The following CMTM8 variants were observed in gnomAD, a reference collection of about 807,000 sequenced individuals.
The protein encoded by CMTM8 is CKLF-like MARVEL transmembrane domain-containing protein 8.
In CMTM8, 12 loss-of-function variants were observed where a neutral mutation model predicts 18.6. That is an observed-to-expected ratio of 0.65 (90% CI 0.41 to 1.05). The LOEUF (loss-of-function observed/expected upper bound fraction) is 1.05. CMTM8 is among the 50% of genes least tolerant of loss of function. The probability of loss-of-function intolerance (pLI) is 0.00; values close to 1 mark genes in which losing one functional copy is unlikely to be tolerated. For synonymous variants in CMTM8, 87 were observed against 90.6 expected, an observed-to-expected ratio of 0.96 and a Z score of 0.23; for missense variants, 217 against 227.2, an observed-to-expected ratio of 0.95 and a Z score of 0.29.
chr3:32,344,853 C>T (rs554735770), intron 1 of CMTM8, among the ~76,000 whole-genome samples: 2 of 152,160 alleles, frequency 1.3e-5, no homozygotes, highest in African/African-American at 4.8e-5. Flanking sequence ...TGTAATTGCA[C>T]CTCTGGACTC....
Position 32,260,069 on chromosome 3 carries a change from G to A in CMTM8, c.147+20950G>A, listed in dbSNP as rs1009377195. On this transcript the variant is annotated intron_variant, in intron 1 of 3. Transcript: ENST00000307526. ...CAAGGTCAAGCTGGAGGCTGAGATC[G>A]CCAGCTACCATCGCCTGTTGGAAGA... The A allele has an allele frequency of 4.6e-5, 50 of 1,097,804 alleles. No individual in the cohort carries two copies. In the African/African-American group the frequency reaches 4.9e-4, roughly 11 times the overall value. The allele number at this position is 1,097,804 out of a possible 1,614,324, so 68.0% of individuals were successfully genotyped here.
At chr3:32,319,074 A>ATATATATCTATATATTTTTTGT in intron 1 of CMTM8, among the ~76,000 whole-genome samples, 1 of 31,530 alleles carries the variant, frequency 3.2e-5, no homozygotes, top group African/African-American at 1.5e-4. Flanking sequence ...ATATATATAT[A>ATATATATCTATATATTTTTTGT]TTTTTTTTTT....
chr3:32,262,793 G>T (rs147850447), intron 1 of CMTM8, among the ~76,000 whole-genome samples: 3 of 151,990 alleles, frequency 2.0e-5, no homozygotes, highest in Non-Finnish European at 4.4e-5. Context: ...TTAATCAGCC[G>T]GTCCAAATAT....
At chr3:32,367,726 C>G in intron 2 of CMTM8, 146 bp from the exon 3 acceptor site, 1 of 590,296 alleles carries the variant, frequency 1.7e-6, no homozygotes, top group Non-Finnish European at 3.1e-6. Flanking sequence ...TTAGAGCTGC[C>G]TTCCCACAGC....
At chr3:32,366,995 G>C (rs1050332278) in intron 2 of CMTM8, among the ~76,000 whole-genome samples, 1 of 152,132 alleles carries the variant, frequency 6.6e-6, no homozygotes, top group African/African-American at 2.4e-5. Context: ...ATTCTATGTA[G>C]CTTTTTTTTC....
chr3:32,253,044 C>A (rs1461988161), intron 1 of CMTM8, among the ~76,000 whole-genome samples: 1 of 152,114 alleles, frequency 6.6e-6, no homozygotes, highest in Non-Finnish European at 1.5e-5. Flanking sequence ...TTGAGGTGAT[C>A]ATTTGAGGTT....
chr3:32,334,466 C>T lies in CMTM8; in HGVS notation c.148-22907C>T, dbSNP rs143112154. Among the ~76,000 whole-genome samples, 2,213 of 151,732 alleles carry T rather than the reference C, an allele frequency of 0.015. 110 individuals are homozygous for T. The East Asian group carries it at 0.19, about 13-fold the overall frequency. Reference sequence around the variant, plus strand: ...CTAAAAATACAAAAAATTAGCTGGGCGTGGTGGTGGGCGCCTGTAGTCCCA... The same window carrying T: ...CTAAAAATACAAAAAATTAGCTGGGTGTGGTGGTGGGCGCCTGTAGTCCCA... On this transcript the variant is annotated intron_variant, in intron 1 of 3. Coordinates refer to ENST00000307526, the MANE Select transcript of CMTM8 (RefSeq NM_178868.5).
At chr3:32,305,916 G>T (rs1695706909) in intron 1 of CMTM8, among the ~76,000 whole-genome samples, 1 of 152,190 alleles carries the variant, frequency 6.6e-6, no homozygotes, top group African/African-American at 2.4e-5. Flanking sequence ...ATCTCATTCA[G>T]TTCTTTTCCA....
At chr3:32,249,091 A>G (rs1368412698) in intron 1 of CMTM8, among the ~76,000 whole-genome samples, 1 of 113,670 alleles carries the variant, frequency 8.8e-6, no homozygotes, top group Non-Finnish European at 1.6e-5. Flanking sequence ...CCCAGGCCGC[A>G]CTGCAGGCCT....
intron 1 of CMTM8, among the ~76,000 whole-genome samples, chr3:32,335,925 A>G (rs1696376824): frequency 6.6e-6 from 1 of 152,166 alleles, no homozygotes. Flanking sequence ...GCAGTTAAAC[A>G]TCCGGAGGGC....
intron 1 of CMTM8, among the ~76,000 whole-genome samples, chr3:32,322,171 A>G (rs1261890413): frequency 6.6e-6 from 1 of 152,196 alleles, no homozygotes; most frequent in Non-Finnish European, 1.5e-5. Context: ...CAGGTCCCAG[A>G]GCTGTATGCC....
At chr3:32,311,045 C>T (rs1052463269) in intron 1 of CMTM8, among the ~76,000 whole-genome samples, 1 of 152,134 alleles carries the variant, frequency 6.6e-6, no homozygotes, top group Non-Finnish European at 1.5e-5. Context: ...TGTAAACGAC[C>T]TGGATGAATT....
At chr3:32,324,209 C>T (rs903828451) in intron 1 of CMTM8, among the ~76,000 whole-genome samples, 1 of 152,122 alleles carries the variant, frequency 6.6e-6, no homozygotes, top group African/African-American at 2.4e-5. Context: ...CCTATTACCC[C>T]ATTTATTTAA....
Position 32,336,135 on chromosome 3 carries a change from A to G in CMTM8, c.148-21238A>G, listed in dbSNP as rs1311805056. On this transcript the variant is annotated intron_variant, in intron 1 of 3. Transcript: ENST00000307526. ...TTATTTCATTTCTTTTGAGATTGACATTAAAGAGTAGCTGTGTGACTTTTG... is the reference window on the plus strand; with the variant it reads ...TTATTTCATTTCTTTTGAGATTGACGTTAAAGAGTAGCTGTGTGACTTTTG... Among the ~76,000 whole-genome samples the G allele has an allele frequency of 2.6e-5, 4 of 152,258 alleles. No individual in the cohort carries two copies. The East Asian group carries it at 7.7e-4, about 29-fold the overall frequency.
chr3:32,280,234 G>A (rs72619950), intron 1 of CMTM8, among the ~76,000 whole-genome samples: 7,537 of 152,038 alleles, frequency 0.05, 686 homozygotes, highest in East Asian at 0.44. Flanking sequence ...GCTGATTCAC[G>A]CTGATTTCCT....
At chr3:32,282,389 A>T (rs935510490) in intron 1 of CMTM8, among the ~76,000 whole-genome samples, 1 of 152,206 alleles carries the variant, frequency 6.6e-6, no homozygotes, top group Non-Finnish European at 1.5e-5. Flanking sequence ...TAATTATGAG[A>T]TGATCAGGGT....
At position 32,296,142 on chromosome 3, in the gene CMTM8, A is replaced by AT. The variant is rs925551706; in HGVS notation, c.147+57032dup. 3.0e-4 allele frequency among the ~76,000 whole-genome samples: 45 copies of AT among 150,432 alleles called. 1 individual carries two copies. The highest frequency in any genetic ancestry group is 7.3e-4 in the African/African-American group (30 of 40,952). On this transcript the variant is annotated intron_variant, in intron 1 of 3. Transcript: ENST00000307526. ...TCTTTGCTTCAGCCTTTTATTTTTT[A>AT]TTTTTTTTTAAATAAAGATGAGGTC...
intron 1 of CMTM8, among the ~76,000 whole-genome samples, chr3:32,289,154 G>T (rs1214669062): frequency 6.6e-6 from 1 of 152,150 alleles, no homozygotes; most frequent in Non-Finnish European, 1.5e-5. Context: ...CTGCTACTTG[G>T]CTACAGCTGA....
At chr3:32,354,493 G>A (rs1190523886) in intron 1 of CMTM8, among the ~76,000 whole-genome samples, 4 of 152,178 alleles carry the variant, frequency 2.6e-5, no homozygotes, top group Non-Finnish European at 4.4e-5. Context: ...GACGACCACA[G>A]CCAGCAAACT....
Sources: allele counts gnomAD v4.1 joint callset (sites outside exome capture counted in the v4.1 genomes callset), GRCh38; gene constraint gnomAD v4.1.1; transcripts MANE v1.5; gene names NCBI Gene and HGNC (gene_info 2026-07-23, HGNC 2026-07-21).